The following ADGRB1 variants were observed in gnomAD, a reference collection of about 807,000 sequenced individuals.
ADGRB1 encodes adhesion G protein-coupled receptor B1, also known as brain-specific angiogenesis inhibitor 1.
A neutral mutation model predicts 175.7 loss-of-function variants in ADGRB1; 36 were observed. The observed-to-expected ratio is 0.20, with a 90% CI of 0.16 to 0.27. ADGRB1 has a LOEUF of 0.27. Among genes scored for constraint, ADGRB1 ranks in the 10% least tolerant of loss-of-function variants. The pLI is 1.00. For missense variants in ADGRB1, 1,731 were observed against 2,255.3 expected (o/e 0.77, Z 4.71); for synonymous variants, 1,054 against 979.4 (o/e 1.08, Z -1.42).
chr8:142,474,808 G>A lies in ADGRB1; in HGVS notation c.785-666G>A, dbSNP rs983559983. ...CAGGGCAGGGGCGTGGCGGGGAGGC[G>A]CCTGCAGGCATTTATCCCAGGCTCC... On this transcript the variant is annotated intron_variant, in intron 2 of 30. Coordinates refer to ENST00000517894, the MANE Select transcript of ADGRB1 (RefSeq NM_001702.3). This position sits in a 1 kb window ranked among gnomAD's most constrained non-coding sequence, Gnocchi z 5.8. Among the ~76,000 whole-genome samples the A allele has an allele frequency of 6.6e-5, 10 of 152,058 alleles. No homozygotes were observed. The highest frequency in any genetic ancestry group is 1.0e-4 in the Non-Finnish European group (7 of 67,982).
Position 142,492,778 on chromosome 8 carries a change from G to T in ADGRB1, c.2675+1963G>T, listed in dbSNP as rs1445066489. On this transcript the variant is annotated intron_variant, in intron 17 of 30. Transcript: ENST00000517894. The surrounding 1 kb of genome is among the most constrained non-coding windows in gnomAD (Gnocchi z 4.4). ...GAAAATGCAAGAAGAAAGCCCCCCT[G>T]CTTGCATGACCCAGGCCCACCCCTG... 6.6e-6 allele frequency among the ~76,000 whole-genome samples: 1 copy of T among 152,144 alleles called. No individual in the cohort carries two copies. Among genetic ancestry groups the T allele is most frequent in the Non-Finnish European group, 1.5e-5 (1 of 68,012 alleles).
Position 142,481,312 on chromosome 8 carries a change from C to A in ADGRB1, c.1887C>A (p.Pro629=). 1 of 1,613,870 alleles carries A rather than the reference C, an allele frequency of 6.2e-7. No individual in the cohort carries two copies. Among genetic ancestry groups the A allele is most frequent in the Non-Finnish European group, 8.5e-7 (1 of 1,179,868 alleles). ...AAGGCATCGCCTACTGGGAGCCCCC[C>A]ACCTACATCCGCTGTGTTTCCATTG... ...DEEGIAYWEP[P]TYIRCVSIDY... is the part of the protein sequence containing the mutation. The change falls in exon 10 of 31, where the codon CCC becomes CCA. Residue 629 remains proline, a synonymous_variant. Coordinates refer to ENST00000517894, the MANE Select transcript of ADGRB1 (RefSeq NM_001702.3).
intron 13 of ADGRB1, among the ~76,000 whole-genome samples, chr8:142,486,952 C>T (rs1365070194): frequency 6.6e-6 from 1 of 152,184 alleles, no homozygotes; most frequent in African/African-American, 2.4e-5. Flanking sequence ...CCCAGGAGGT[C>T]GAGGCTGCAG....
chr8:142,542,176 G>T lies in ADGRB1; in HGVS notation c.3942G>T (p.Ala1314=). The change falls in exon 28 of 31, where the codon GCG becomes GCT. Residue 1314 remains alanine, a synonymous_variant. Transcript: ENST00000517894. The surrounding 1 kb of genome is among the most constrained non-coding windows in gnomAD (Gnocchi z 6.3). Reference sequence around the variant, plus strand: ...CACTGACCCTCAAGAGGGACAAGGCGCCCAAGTCCTCCTTCGTCGGTGACG... The same window carrying T: ...CACTGACCCTCAAGAGGGACAAGGCTCCCAAGTCCTCCTTCGTCGGTGACG... ...NHSLTLKRDK[A]PKSSFVGDGD... The T allele has an allele frequency of 3.1e-6, 5 of 1,613,584 alleles. No homozygotes were observed. The highest frequency in any genetic ancestry group is 4.2e-6 in the Non-Finnish European group (5 of 1,179,814).
At chr8:142,462,532 G>A (rs956162348) in intron 1 of ADGRB1, among the ~76,000 whole-genome samples, 34 of 152,348 alleles carry the variant, frequency 2.2e-4, no homozygotes, top group African/African-American at 5.3e-4. Flanking sequence ...GCCAGACCTC[G>A]AGGCTGCCTG....
chr8:142,501,087 G>A (rs1842502529), intron 17 of ADGRB1, among the ~76,000 whole-genome samples: 1 of 152,228 alleles, frequency 6.6e-6, no homozygotes, highest in Non-Finnish European at 1.5e-5. Context: ...GACAGTGACG[G>A]AGCTGGTTCT....
Position 142,479,496 on chromosome 8 carries a change from C to A in ADGRB1, c.1726+9C>A. On this transcript the variant is annotated intron_variant, in intron 8 of 30. Coordinates refer to ENST00000517894, the MANE Select transcript of ADGRB1 (RefSeq NM_001702.3). Reference sequence around the variant, plus strand: ...CACCCAGCGGTGTCCCGGTGAGGCCCCTCCTACCTGGGCTGGGCTCTGGGG... The same window carrying A: ...CACCCAGCGGTGTCCCGGTGAGGCCACTCCTACCTGGGCTGGGCTCTGGGG... 6.5e-7 allele frequency: 1 copy of A among 1,535,010 alleles called. No individual in the cohort carries two copies. Among genetic ancestry groups the A allele is most frequent in the East Asian group, 2.4e-5 (1 of 42,160 alleles).
chr8:142,464,662 G>A lies in ADGRB1; in HGVS notation c.464G>A (p.Gly155Glu). 3.3e-6 allele frequency: 5 copies of A among 1,522,246 alleles called. No individual in the cohort carries two copies. Among genetic ancestry groups the A allele is most frequent in the East Asian group, 2.5e-5 (1 of 39,438 alleles). 94.3% of individuals were successfully genotyped at this position (1,522,246 alleles called of 1,614,324 possible). The change falls in exon 2 of 31, where the codon GGG becomes GAG. Residue 155 changes from glycine to glutamate, a missense_variant. By Grantham distance (98) the Gly-to-Glu change is moderately conservative. This residue lies in a region of ADGRB1 where 383 missense variants were observed against 383.1 expected (regional missense o/e 1.00). Transcript: ENST00000517894. ...CGCCAGCAGCCGCCCCAGCACGACG[G>A]GCTCCGGCCCCGGGCCGGGCCGCCG... ...MRRQQPPQHD[G>E]LRPRAGPPGP...
At chr8:142,540,926 C>T (rs1037861863) in intron 27 of ADGRB1, among the ~76,000 whole-genome samples, 5 of 152,026 alleles carry the variant, frequency 3.3e-5, no homozygotes, top group African/African-American at 1.2e-4. Flanking sequence ...GACGGGGAAG[C>T]CTGTGTTCGG....
At chr8:142,477,973 G>T (rs187483224) in intron 6 of ADGRB1, among the ~76,000 whole-genome samples, 2 of 151,696 alleles carry the variant, frequency 1.3e-5, no homozygotes, top group Admixed American at 1.3e-4. Flanking sequence ...TGGATGTGGG[G>T]TGGTGGCCCC....
intron 18 of ADGRB1, among the ~76,000 whole-genome samples, chr8:142,516,537 A>G (rs1362378718): frequency 1.5e-4 from 13 of 84,612 alleles, no homozygotes; most frequent in East Asian, 8.5e-4. Context: ...AGGTGCGTGC[A>G]TCTGTGTGGG....
rs1840804635 is a variant in ADGRB1 at position 142,474,096 on chromosome 8, G to C, written c.785-1378G>C. On this transcript the variant is annotated intron_variant, in intron 2 of 30. Transcript: ENST00000517894. The surrounding 1 kb of genome is among the most constrained non-coding windows in gnomAD (Gnocchi z 5.8). ...ATGATGGGAGTGAGGCCAGTGGGTG[G>C]TGGGGCCACTGGGGGAATCTGGCAG... 6.6e-6 allele frequency among the ~76,000 whole-genome samples: 1 copy of C among 152,216 alleles called. No homozygotes were observed. Among genetic ancestry groups the C allele is most frequent in the African/African-American group, 2.4e-5 (1 of 41,452 alleles).
intron 23 of ADGRB1, among the ~76,000 whole-genome samples, chr8:142,525,451 TGGG>T (rs1309017559): frequency 6.6e-6 from 1 of 151,924 alleles, no homozygotes; most frequent in Non-Finnish European, 1.5e-5. Flanking sequence ...CTCCTGTCCT[TGGG>T]GCCACGTGGG....
Position 142,542,652 on chromosome 8 carries a change from G to C in ADGRB1, c.4413+5G>C. ...TTGTCTGTGAGCTCCCTGGAGGTGA[G>C]GGGGGCAGGGGTGGGCCACACCCCA... On this transcript the variant is annotated splice_donor_5th_base_variant and intron_variant, in intron 28 of 30. Coordinates refer to ENST00000517894, the MANE Select transcript of ADGRB1 (RefSeq NM_001702.3). The surrounding 1 kb of genome is among the most constrained non-coding windows in gnomAD (Gnocchi z 6.3). 1 of 1,541,244 alleles carries C rather than the reference G, an allele frequency of 6.5e-7. No individual in the cohort carries two copies.
At chr8:142,524,715 C>T (rs548927926) in intron 23 of ADGRB1, among the ~76,000 whole-genome samples, 48 of 152,248 alleles carry the variant, frequency 3.2e-4, no homozygotes, top group African/African-American at 1.0e-3. Context: ...GGCTGGTGAC[C>T]GCGGCTGCTT....
chr8:142,523,267 AG>A (rs1314284235), intron 22 of ADGRB1, among the ~76,000 whole-genome samples: 2 of 151,826 alleles, frequency 1.3e-5, no homozygotes, highest in African/African-American at 4.8e-5. Context: ...GTAGGGAGAA[AG>A]GGTCTGGGGC....
At chr8:142,473,746 C>A (rs1840786404) in intron 2 of ADGRB1, among the ~76,000 whole-genome samples, 1 of 152,180 alleles carries the variant, frequency 6.6e-6, no homozygotes, top group Admixed American at 6.5e-5. Context: ...GGTGTGGGGG[C>A]CTGGAAGACT....
chr8:142,449,802 G>C lies in ADGRB1; in HGVS notation c.-522G>C, dbSNP rs1432087016. ...CCGGGAGCACAGGCGGCCGCGCCGC[G>C]TCCTGGCCCGGCCCGGGCCCGCGCG... On this transcript the variant is annotated 5_prime_UTR_variant, in exon 1 of 31. Coordinates refer to ENST00000517894, the MANE Select transcript of ADGRB1 (RefSeq NM_001702.3). 2 of 146,652 alleles carry C rather than the reference G, an allele frequency of 1.4e-5. No individual in the cohort carries two copies. Among genetic ancestry groups the C allele is most frequent in the South Asian group, 3.7e-4 (2 of 5,378 alleles). 9.1% of individuals were successfully genotyped at this position (146,652 alleles called of 1,614,324 possible). A position where few individuals can be genotyped will look rare whatever the true frequency, so the allele number is the denominator to read the frequency against.
chr8:142,512,927 G>T (rs1378441659), intron 18 of ADGRB1, among the ~76,000 whole-genome samples: 1 of 152,132 alleles, frequency 6.6e-6, no homozygotes, highest in African/African-American at 2.4e-5. Flanking sequence ...ATGTGCCCCA[G>T]TGCACGAGGG....
Sources: gnomAD v4.1 joint callset for allele counts (sites outside exome capture counted in the v4.1 genomes callset) on GRCh38, gnomAD v4.1.1 for gene constraint, gnomAD v4.1.1 regional missense constraint, Gnocchi (gnomAD v3.1) non-coding constraint, MANE v1.5 for transcripts, NCBI Gene and HGNC (gene_info 2026-07-23, HGNC 2026-07-21) for gene names.